Variants in PHF14 observed in about 807,000 individuals in gnomAD.
PHF14 encodes the protein PHD finger protein 14.
In PHF14, 55 loss-of-function variants were observed where a neutral mutation model predicts 117.9. The observed-to-expected ratio is 0.47, with a 90% CI of 0.38 to 0.58. The LOEUF (loss-of-function observed/expected upper bound fraction) is 0.58. Among genes scored for constraint, PHF14 ranks in the 20% least tolerant of loss-of-function variants. PHF14 has a pLI of 0.00. For synonymous variants in PHF14, 409 were observed against 368.6 expected (o/e 1.11, Z -1.26); for missense variants, 978 against 1,122.2 (o/e 0.87, Z 1.84).
intron 2 of PHF14, among the ~76,000 whole-genome samples, chr7:10,978,143 G>A (rs1781930413): frequency 6.6e-6 from 1 of 152,066 alleles, no homozygotes; most frequent in East Asian, 1.9e-4. Flanking sequence ...AGACTTTGGT[G>A]GTATTTTGTG....
chr7:11,131,830 T>G (rs1788098672), intron 17 of PHF14, among the ~76,000 whole-genome samples: 2 of 151,600 alleles, frequency 1.3e-5, no homozygotes, highest in South Asian at 4.1e-4. Flanking sequence ...GTTCTCTCTC[T>G]GTCTCTCTCT....
chr7:11,157,923 C>T (rs746713057), intron 17 of PHF14, among the ~76,000 whole-genome samples: 21 of 152,070 alleles, frequency 1.4e-4, no homozygotes, highest in Non-Finnish European at 2.5e-4. Context: ...AATCATCTAA[C>T]AAAAATTAGA....
chr7:11,072,913 C>G (rs1435232798), intron 16 of PHF14, among the ~76,000 whole-genome samples: 1 of 152,140 alleles, frequency 6.6e-6, no homozygotes, highest in African/African-American at 2.4e-5. Context: ...AACCATCTTT[C>G]ATGTGAACTA....
chr7:11,125,896 G>A (rs1255008714), intron 17 of PHF14, among the ~76,000 whole-genome samples: 3 of 152,020 alleles, frequency 2.0e-5, no homozygotes, highest in Admixed American at 2.0e-4. Context: ...AATAATGGCT[G>A]CAAAAGATTA....
At chr7:11,105,311 C>T in intron 16 of PHF14, 2 of 935,728 alleles carry the variant, frequency 2.1e-6, no homozygotes, top group Non-Finnish European at 2.5e-6. Context: ...GACTGCTGAC[C>T]AATAAATAAT....
intron 4 of PHF14, 95 bp downstream of exon 4, chr7:10,990,942 C>A: frequency 1.2e-6 from 1 of 802,918 alleles, no homozygotes; most frequent in Non-Finnish European, 1.9e-6. Flanking sequence ...CATGGTGTTT[C>A]GGTTGAAATA....
chr7:11,162,170 C>A, intron 17 of PHF14, among the ~76,000 whole-genome samples: 1 of 142,952 alleles, frequency 7.0e-6, no homozygotes, highest in Admixed American at 7.3e-5. Flanking sequence ...CTCACTGCAA[C>A]CTCCACCTCC....
At chr7:11,166,129 A>G (rs1789196039) in intron 17 of PHF14, among the ~76,000 whole-genome samples, 1 of 152,204 alleles carries the variant, frequency 6.6e-6, no homozygotes, top group South Asian at 2.1e-4. Flanking sequence ...TTTTTAGAGT[A>G]TGAATTAACA....
At chr7:11,124,738 A>G (rs754398719) in intron 17 of PHF14, among the ~76,000 whole-genome samples, 2 of 152,226 alleles carry the variant, frequency 1.3e-5, no homozygotes, top group African/African-American at 2.4e-5. Flanking sequence ...ACTAGATTTT[A>G]TATATTAAAA....
At chr7:11,160,612 A>G (rs1489538440) in intron 17 of PHF14, among the ~76,000 whole-genome samples, 4 of 152,082 alleles carry the variant, frequency 2.6e-5, no homozygotes, top group Non-Finnish European at 2.9e-5. Context: ...AATGGTATCA[A>G]TGAGATACTA....
intron 13 of PHF14, among the ~76,000 whole-genome samples, chr7:11,044,847 A>G (rs922321701): frequency 6.6e-6 from 1 of 152,008 alleles, no homozygotes; most frequent in Non-Finnish European, 1.5e-5. Flanking sequence ...AGTGATTTGG[A>G]TTTTGTTTTT....
intron 14 of PHF14, among the ~76,000 whole-genome samples, chr7:11,055,000 C>CTGAA (rs1784970445): frequency 6.6e-6 from 1 of 152,066 alleles, no homozygotes; most frequent in South Asian, 2.1e-4. Flanking sequence ...GCTCATGGAC[C>CTGAA]TGAACTCCTG....
chr7:11,127,821 A>G lies in PHF14; in HGVS notation c.2772+16354A>G, dbSNP rs182968567. Among the ~76,000 whole-genome samples, 13 of 152,240 alleles carry G rather than the reference A, an allele frequency of 8.5e-5. No homozygotes were observed. In the East Asian group the frequency reaches 1.7e-3, roughly 20 times the overall value. ...AAATGAATAGCTTAGACCATTTACGAGAGATTGAGAAAATTTCACTCACCC... is the reference window on the plus strand; with the variant it reads ...AAATGAATAGCTTAGACCATTTACGGGAGATTGAGAAAATTTCACTCACCC... On this transcript the variant is annotated intron_variant, in intron 17 of 17. Coordinates refer to ENST00000634607, the MANE Select transcript of PHF14 (RefSeq NM_001007157.2).
chr7:10,975,936 A>C (rs1413564864), intron 2 of PHF14, among the ~76,000 whole-genome samples: 1 of 151,148 alleles, frequency 6.6e-6, no homozygotes, highest in African/African-American at 2.5e-5. Flanking sequence ...TGCTACTTTT[A>C]GTAGCATCAA....
rs557255932 is a variant in PHF14 at position 11,112,342 on chromosome 7, C to T, written c.2772+875C>T. ...AATTGATCATGTAATCAAAAACATT[C>T]TTTTATCATTAACTAAAATGATTTG... On this transcript the variant is annotated intron_variant, in intron 17 of 17. Transcript: ENST00000634607. Among the ~76,000 whole-genome samples, 69 of 152,244 alleles carry T rather than the reference C, an allele frequency of 4.5e-4. 2 individuals are homozygous for T. The South Asian group carries it at 7.0e-3, about 16-fold the overall frequency.
chr7:11,075,587 T>TTAA (rs1562453125), intron 16 of PHF14, among the ~76,000 whole-genome samples: 1 of 131,634 alleles, frequency 7.6e-6, no homozygotes, highest in Non-Finnish European at 1.6e-5. Flanking sequence ...TTTTTTTTTT[T>TTAA]TTTATTATTA....
At chr7:11,078,129 C>T (rs1421875495) in intron 16 of PHF14, among the ~76,000 whole-genome samples, 2 of 152,072 alleles carry the variant, frequency 1.3e-5, no homozygotes, top group African/African-American at 4.8e-5. Flanking sequence ...AGCTATCTAA[C>T]CTCATTTTTT....
At chr7:11,139,730 C>G (rs1788346234) in intron 17 of PHF14, among the ~76,000 whole-genome samples, 1 of 152,130 alleles carries the variant, frequency 6.6e-6, no homozygotes, top group South Asian at 2.1e-4. Flanking sequence ...AAATAAATTA[C>G]AAAAACTAGA....
chr7:11,132,846 T>A (rs1788125044), intron 17 of PHF14, among the ~76,000 whole-genome samples: 1 of 151,916 alleles, frequency 6.6e-6, no homozygotes, highest in African/African-American at 2.4e-5. Context: ...TGCATCTCCC[T>A]AATGATTAGT....
Sources: allele counts gnomAD v4.1 joint callset (sites outside exome capture counted in the v4.1 genomes callset), GRCh38; gene constraint gnomAD v4.1.1; transcripts MANE v1.5; gene names NCBI Gene and HGNC (gene_info 2026-07-23, HGNC 2026-07-21).